Variants in TTC28 observed in about 807,000 individuals in gnomAD.
The protein encoded by TTC28 is tetratricopeptide repeat domain 28.
Under a neutral mutation model 198.0 loss-of-function variants are expected in TTC28, and 61 were observed. That is an observed-to-expected ratio of 0.31 (90% CI 0.25 to 0.38). The LOEUF is 0.38. Among genes scored for constraint, TTC28 ranks in the 10% least tolerant of loss-of-function variants. The pLI is 1.00. For synonymous variants in TTC28, 1,171 were observed against 1,297.8 expected (o/e 0.90, Z 2.10); for missense variants, 2,678 against 3,164.0 (o/e 0.85, Z 3.69).
chr22:28,438,516 C>T (rs1012654865), intron 2 of TTC28, among the ~76,000 whole-genome samples: 5 of 152,118 alleles, frequency 3.3e-5, no homozygotes, highest in Non-Finnish European at 7.4e-5. Context: ...ATTAATGTAG[C>T]TTATGTCGAC....
At chr22:28,481,455 G>C (rs908005868) in intron 2 of TTC28, among the ~76,000 whole-genome samples, 2 of 152,046 alleles carry the variant, frequency 1.3e-5, no homozygotes, top group Admixed American at 1.3e-4. Context: ...GTTCTTTGTA[G>C]AACATACATA....
At chr22:28,375,259 A>T (rs973980264) in intron 2 of TTC28, among the ~76,000 whole-genome samples, 1 of 152,206 alleles carries the variant, frequency 6.6e-6, no homozygotes, top group Non-Finnish European at 1.5e-5. Flanking sequence ...TTATGCCTGA[A>T]CTACGTGACA....
chr22:28,339,307 G>A (rs1013887309), intron 2 of TTC28, among the ~76,000 whole-genome samples: 1 of 152,150 alleles, frequency 6.6e-6, no homozygotes, highest in African/African-American at 2.4e-5. Context: ...CTCTACTGGG[G>A]GGTGCCTCCC....
At chr22:28,003,338 G>A (rs1401579998) in intron 14 of TTC28, among the ~76,000 whole-genome samples, 1 of 152,174 alleles carries the variant, frequency 6.6e-6, no homozygotes, top group African/African-American at 2.4e-5. Flanking sequence ...GTCAGCAGCT[G>A]TGACAGTGAT....
chr22:28,177,907 A>G (rs907102449), intron 5 of TTC28, among the ~76,000 whole-genome samples: 3 of 152,208 alleles, frequency 2.0e-5, no homozygotes, highest in African/African-American at 7.2e-5. Flanking sequence ...ACTATTCTGC[A>G]TGATAATACT....
chr22:28,218,087 C>G (rs925040663), intron 5 of TTC28, among the ~76,000 whole-genome samples: 1 of 152,076 alleles, frequency 6.6e-6, no homozygotes, highest in African/African-American at 2.4e-5. Flanking sequence ...CATTCTTTAC[C>G]ATTATACCAA....
intron 2 of TTC28, among the ~76,000 whole-genome samples, chr22:28,361,730 G>A (rs987529974): frequency 3.3e-5 from 5 of 152,218 alleles, no homozygotes; most frequent in African/African-American, 1.2e-4. Context: ...CAGAGGAGAA[G>A]TCAATGCCTG....
intron 12 of TTC28, among the ~76,000 whole-genome samples, chr22:28,041,367 G>A (rs1399410991): frequency 3.9e-5 from 6 of 152,060 alleles, no homozygotes; most frequent in Admixed American, 6.6e-5. Flanking sequence ...ACAGCATGGT[G>A]CTGGTACCAA....
chr22:28,597,262 T>G (rs768213568), intron 2 of TTC28, among the ~76,000 whole-genome samples: 5 of 152,218 alleles, frequency 3.3e-5, no homozygotes, highest in African/African-American at 4.8e-5. Context: ...TATATTAACA[T>G]TGTTTTGCAA....
chr22:28,563,021 G>A (rs1001914219), intron 2 of TTC28, among the ~76,000 whole-genome samples: 1 of 152,050 alleles, frequency 6.6e-6, no homozygotes, highest in Non-Finnish European at 1.5e-5. Context: ...TACTTAGGAG[G>A]GTGAGGCAGG....
Position 28,136,809 on chromosome 22 carries a change from A to G in TTC28, c.1441+26283T>C, listed in dbSNP as rs994633158. On this transcript the variant is annotated intron_variant, in intron 6 of 22. Coordinates refer to ENST00000397906, the MANE Select transcript of TTC28 (RefSeq NM_001145418.2). ...TACCCACTACTTTAGTGGCCATGGC[A>G]GGTACACAGAGACTGGAGAACTGCA... Among the ~76,000 whole-genome samples the G allele has an allele frequency of 9.2e-5, 14 of 152,180 alleles. 1 individual carries two copies. Among genetic ancestry groups the G allele is most frequent in the African/African-American group, 3.1e-4 (13 of 41,444 alleles).
At chr22:28,386,014 C>A (rs1242894671) in intron 2 of TTC28, among the ~76,000 whole-genome samples, 2 of 152,062 alleles carry the variant, frequency 1.3e-5, no homozygotes, top group East Asian at 3.9e-4. Context: ...CGGTGGCTCA[C>A]GCCTGTAATC....
At chr22:28,650,763 A>G (rs895339688) in intron 1 of TTC28, among the ~76,000 whole-genome samples, 6 of 152,230 alleles carry the variant, frequency 3.9e-5, no homozygotes, top group Admixed American at 3.3e-4. Context: ...TTTTACATCA[A>G]TATAAGAGTC....
At chr22:28,255,137 A>G (rs112973289) in intron 5 of TTC28, among the ~76,000 whole-genome samples, 3 of 152,270 alleles carry the variant, frequency 2.0e-5, no homozygotes, top group East Asian at 1.9e-4. Context: ...CTCTTCCACA[A>G]TCATGCCCAG....
intron 2 of TTC28, among the ~76,000 whole-genome samples, chr22:28,529,996 T>G (rs77349109): frequency 6.6e-6 from 1 of 152,272 alleles, no homozygotes; most frequent in Middle Eastern, 3.4e-3. Context: ...TAAGAGCACC[T>G]CTTCTCCTCC....
Position 28,148,346 on chromosome 22 carries a change from G to T in TTC28, c.1441+14746C>A, listed in dbSNP as rs187413266. On this transcript the variant is annotated intron_variant, in intron 6 of 22. Transcript: ENST00000397906. ...ATGAAGTTCTAGGCCGGGTGCAGTG[G>T]CTCATGCCTGTAATCCCAGCACTTT... Among the ~76,000 whole-genome samples, 234 of 152,328 alleles carry T rather than the reference G, an allele frequency of 1.5e-3. 1 individual carries two copies. The highest frequency in any genetic ancestry group is 0.01 in the Middle Eastern group (3 of 294).
At chr22:28,384,708 C>T (rs894952974) in intron 2 of TTC28, among the ~76,000 whole-genome samples, 1 of 152,190 alleles carries the variant, frequency 6.6e-6, no homozygotes, top group Admixed American at 6.5e-5. Context: ...TAAAATACTC[C>T]ATTACATCTC....
intron 2 of TTC28, among the ~76,000 whole-genome samples, chr22:28,539,471 T>C (rs2049364416): frequency 6.6e-6 from 1 of 151,614 alleles, no homozygotes. Context: ...CCCATCTCTA[T>C]AAAAATATAC....
At chr22:27,988,920 C>T (rs960780749) in intron 21 of TTC28, among the ~76,000 whole-genome samples, 1 of 152,298 alleles carries the variant, frequency 6.6e-6, no homozygotes, top group Admixed American at 6.5e-5. Flanking sequence ...TAGGTTTGTT[C>T]GTGTTCTCCC....
Sources: gnomAD v4.1 joint callset for allele counts (sites outside exome capture counted in the v4.1 genomes callset) on GRCh38, gnomAD v4.1.1 for gene constraint, MANE v1.5 for transcripts, NCBI Gene and HGNC (gene_info 2026-07-23, HGNC 2026-07-21) for gene names.